CTNNA2: variants seen among roughly 807,000 people sequenced by gnomAD.
The protein encoded by CTNNA2 is catenin alpha-2.
In CTNNA2, 42 loss-of-function variants were observed where a neutral mutation model predicts 101.0. The ratio of observed to expected loss-of-function variants is 0.42; its 90% CI spans 0.32 to 0.54. CTNNA2 has a LOEUF of 0.54. CTNNA2 is among the 20% of genes least tolerant of loss of function. CTNNA2 has a pLI of 0.14. For missense variants in CTNNA2, 871 were observed against 1,223.1 expected (o/e 0.71, Z 4.29); for synonymous variants, 450 against 456.4 (o/e 0.99, Z 0.18).
chr2:79,875,990 A>G (rs536686693), intron 6 of CTNNA2, among the ~76,000 whole-genome samples: 52 of 150,754 alleles, frequency 3.4e-4, no homozygotes, highest in Non-Finnish European at 6.2e-4. Flanking sequence ...ATTTTATTTT[A>G]TTATTTCTTA....
chr2:79,909,821 C>T (rs1371817817), intron 7 of CTNNA2, 24 bp downstream of exon 7: 8 of 1,577,036 alleles, frequency 5.1e-6, no homozygotes, highest in Non-Finnish European at 6.9e-6. Flanking sequence ...TCTCCATTCT[C>T]ATGTCTTGGT....
chr2:79,391,509 C>T (rs1678171929), intron 4 of CTNNA2, among the ~76,000 whole-genome samples: 1 of 152,066 alleles, frequency 6.6e-6, no homozygotes, highest in Admixed American at 6.6e-5. Flanking sequence ...GGTTTCCAGC[C>T]AACAGTAGGC....
chr2:80,440,577 T>C (rs1682470391), intron 9 of CTNNA2, among the ~76,000 whole-genome samples: 2 of 152,188 alleles, frequency 1.3e-5, no homozygotes, highest in African/African-American at 2.4e-5. Context: ...AGAATGTTCC[T>C]TACAGGCTTT....
In CTNNA2 at chr2:80,362,968, G is replaced by A. The variant is rs574546213; in HGVS notation, c.1057-30243G>A. Among the ~76,000 whole-genome samples the A allele has an allele frequency of 8.2e-5, 12 of 146,850 alleles. No homozygotes were observed. The East Asian group carries it at 2.4e-3, about 30-fold the overall frequency. ...GCCTGTGAATTACCACTGCACCATGGCATTCTAGCCTGGGCAACATAGCAA... is the reference window on the plus strand; with the variant it reads ...GCCTGTGAATTACCACTGCACCATGACATTCTAGCCTGGGCAACATAGCAA... On this transcript the variant is annotated intron_variant, in intron 7 of 18. Transcript: ENST00000402739.
At chr2:79,553,419 G>A (rs1267226288) in intron 1 of CTNNA2, among the ~76,000 whole-genome samples, 1 of 152,126 alleles carries the variant, frequency 6.6e-6, no homozygotes, top group Non-Finnish European at 1.5e-5. Context: ...TATCTTTATA[G>A]CAGTGCCCCA....
intron 1 of CTNNA2, among the ~76,000 whole-genome samples, chr2:79,614,419 C>T (rs565996572): frequency 6.6e-6 from 1 of 152,048 alleles, no homozygotes; most frequent in East Asian, 1.9e-4. Context: ...AATAATTTTT[C>T]CTAGGAAATA....
At chr2:80,425,287 G>A (rs1680895584) in intron 9 of CTNNA2, among the ~76,000 whole-genome samples, 2 of 152,152 alleles carry the variant, frequency 1.3e-5, no homozygotes, top group East Asian at 1.9e-4. Flanking sequence ...ATTCCTGAGA[G>A]GGCTCATTTA....
At chr2:79,552,293 C>T (rs187479853) in intron 1 of CTNNA2, among the ~76,000 whole-genome samples, 269 of 152,292 alleles carry the variant, frequency 1.8e-3, no homozygotes, top group Non-Finnish European at 2.7e-3. Context: ...AAAGTAATCT[C>T]CTTTGACTCC....
Position 80,608,258 on chromosome 2 carries a change from T to C in CTNNA2, c.2370T>C (p.Asn790=). Reference sequence around the variant, plus strand: ...TTGCCTTGTATTGCCATCAGCTTAATATCTGCAGCAAGGTGAAGGCAGAAG... The same window carrying C: ...TTGCCTTGTATTGCCATCAGCTTAACATCTGCAGCAAGGTGAAGGCAGAAG... ...QRIALYCHQL[N]ICSKVKAEVQ... Residue 790 remains asparagine, a synonymous_variant, in exon 17 of 19, where the codon AAT becomes AAC. Coordinates refer to ENST00000402739, the MANE Select transcript of CTNNA2 (RefSeq NM_001282597.3). 1 of 1,611,202 alleles carries C rather than the reference T, an allele frequency of 6.2e-7. No individual in the cohort carries two copies. Among genetic ancestry groups the C allele is most frequent in the Non-Finnish European group, 8.5e-7 (1 of 1,178,048 alleles).
At chr2:80,315,248 A>C (rs1409964698) in intron 7 of CTNNA2, among the ~76,000 whole-genome samples, 1 of 152,192 alleles carries the variant, frequency 6.6e-6, no homozygotes, top group African/African-American at 2.4e-5. Flanking sequence ...GCTGCATAAA[A>C]AGCAAAATCA....
chr2:80,463,195 T>C (rs1273592856), intron 9 of CTNNA2, among the ~76,000 whole-genome samples: 1 of 152,220 alleles, frequency 6.6e-6, no homozygotes, highest in African/African-American at 2.4e-5. Flanking sequence ...CTCACATGGT[T>C]CTTTAACTGT....
At chr2:79,377,429 G>T (rs922573294) in intron 4 of CTNNA2, among the ~76,000 whole-genome samples, 6 of 152,252 alleles carry the variant, frequency 3.9e-5, no homozygotes, top group Middle Eastern at 3.4e-3. Flanking sequence ...TTTTTTATTT[G>T]TACAAAGCTG....
In CTNNA2 at chr2:80,550,120, A is replaced by G. The variant is rs79468436; in HGVS notation, c.1540+4057A>G. ...TTCCAACTACTGCAGTAAAATGCCAATTGCAATAAGGTGAATCATACAAAT... is the reference window on the plus strand; with the variant it reads ...TTCCAACTACTGCAGTAAAATGCCAGTTGCAATAAGGTGAATCATACAAAT... On this transcript the variant is annotated intron_variant, in intron 11 of 18. Transcript: ENST00000402739. Among the ~76,000 whole-genome samples the G allele has an allele frequency of 5.8e-3, 880 of 152,324 alleles. 8 individuals are homozygous for G. Among genetic ancestry groups the G allele is most frequent in the African/African-American group, 0.02 (833 of 41,562 alleles).
intron 12 of CTNNA2, among the ~76,000 whole-genome samples, chr2:80,560,897 C>T (rs1489013811): frequency 6.6e-6 from 1 of 152,120 alleles, no homozygotes; most frequent in Non-Finnish European, 1.5e-5. Flanking sequence ...ACATTTAATA[C>T]GTAAGTATTG....
chr2:80,477,149 A>G (rs1213886498), intron 9 of CTNNA2, among the ~76,000 whole-genome samples: 1 of 152,146 alleles, frequency 6.6e-6, no homozygotes, highest in Non-Finnish European at 1.5e-5. Flanking sequence ...CTGATAAGGA[A>G]TAGAATACAT....
At chr2:79,382,094 T>C (rs1448906134) in intron 4 of CTNNA2, among the ~76,000 whole-genome samples, 1 of 152,036 alleles carries the variant, frequency 6.6e-6, no homozygotes, top group Non-Finnish European at 1.5e-5. Context: ...TCATCCAATC[T>C]ATTGAGGGCC....
At chr2:79,663,492 T>C (rs1374951326) in intron 2 of CTNNA2, among the ~76,000 whole-genome samples, 1 of 152,182 alleles carries the variant, frequency 6.6e-6, no homozygotes, top group East Asian at 1.9e-4. Context: ...CATACTGAGT[T>C]CTCTCTGGCC....
chr2:79,526,677 T>A (rs1242796138), intron 1 of CTNNA2, among the ~76,000 whole-genome samples: 1 of 152,098 alleles, frequency 6.6e-6, no homozygotes, highest in East Asian at 1.9e-4. Flanking sequence ...CCCATATATT[T>A]ATGGTTAATT....
At chr2:79,745,133 A>G (rs536178336) in intron 3 of CTNNA2, among the ~76,000 whole-genome samples, 1 of 152,244 alleles carries the variant, frequency 6.6e-6, no homozygotes, top group African/African-American at 2.4e-5. Context: ...AATATACAAC[A>G]TAAAGTTCTA....
Sources: gnomAD v4.1 joint callset for allele counts (sites outside exome capture counted in the v4.1 genomes callset) on GRCh38, gnomAD v4.1.1 for gene constraint, MANE v1.5 for transcripts, NCBI Gene and HGNC (gene_info 2026-07-23, HGNC 2026-07-21) for gene names.